Variants in ARID3A observed in about 807,000 individuals in gnomAD.
ARID3A encodes AT-rich interaction domain 3A, also known as AT-rich interactive domain-containing protein 3A.
Under a neutral mutation model 52.7 loss-of-function variants are expected in ARID3A, and 11 were observed. The observed-to-expected ratio is 0.21, with a 90% CI of 0.13 to 0.35. The LOEUF is 0.35. Among genes scored for constraint, ARID3A ranks in the 10% least tolerant of loss-of-function variants. The pLI is 1.00. For missense variants in ARID3A, 721 were observed against 838.5 expected (o/e 0.86, Z 1.73); for synonymous variants, 404 against 359.4 (o/e 1.12, Z -1.40).
rs1488658668 is a variant in ARID3A, at chr19:973,658, A to G, written c.*1593A>G. 4.4e-6 allele frequency: 1 copy of G among 226,256 alleles called. No homozygotes were observed. Among genetic ancestry groups the G allele is most frequent in the Admixed American group, 5.7e-5 (1 of 17,562 alleles). The allele number at this position is 226,256 out of a possible 1,614,324, so 14.0% of individuals were successfully genotyped here. A position where few individuals can be genotyped will look rare whatever the true frequency, so the allele number is the denominator to read the frequency against. The stretch of plus-strand genomic sequence containing the variant: ...CATCCTGAACACCCCCCACACCCCA[A>G]CATTCTCCTCGCTCTGTCCCTTCCT... On this transcript the variant is annotated 3_prime_UTR_variant, in exon 9 of 9. Coordinates refer to ENST00000263620, the MANE Select transcript of ARID3A (RefSeq NM_005224.3).
In ARID3A at chr19:946,813, T is replaced by TGA. The variant is rs1478059403; in HGVS notation, c.694-13278_694-13277dup. On this transcript the variant is annotated intron_variant, in intron 3 of 8. Transcript: ENST00000263620. Reference sequence around the variant, plus strand: ...TTGTTTGTTTGTGTGTGTGTGTGTGTGACAGGGTCTCCCTCTGTTGCCCAG... The same window carrying TGA: ...TTGTTTGTTTGTGTGTGTGTGTGTGTGAGACAGGGTCTCCCTCTGTTGCCCAG... Among the ~76,000 whole-genome samples the TGA allele has an allele frequency of 9.3e-5, 14 of 151,192 alleles. No homozygotes were observed. In the East Asian group the frequency reaches 9.8e-4, roughly 11 times the overall value.
intron 3 of ARID3A, among the ~76,000 whole-genome samples, chr19:951,413 C>T (rs2037800937): frequency 6.6e-6 from 1 of 151,932 alleles, no homozygotes; most frequent in South Asian, 2.1e-4. Context: ...AAAAATTAGC[C>T]AGGAGTGGTG....
intron 6 of ARID3A, among the ~76,000 whole-genome samples, chr19:966,224 C>A (rs2145459423): frequency 1.3e-5 from 2 of 150,642 alleles, no homozygotes; most frequent in East Asian, 3.9e-4. Flanking sequence ...CTTTGGGAGG[C>A]CGAGGCGGGC....
At chr19:961,525 A>C (rs2038040968) in intron 4 of ARID3A, among the ~76,000 whole-genome samples, 1 of 152,052 alleles carries the variant, frequency 6.6e-6, no homozygotes, top group Non-Finnish European at 1.5e-5. Flanking sequence ...CTCAGCCCTG[A>C]CCACTCTGCT....
chr19:955,733 C>G (rs998208037), intron 3 of ARID3A, among the ~76,000 whole-genome samples: 3 of 152,156 alleles, frequency 2.0e-5, no homozygotes, highest in East Asian at 3.8e-4. Flanking sequence ...CAGGGTAGAC[C>G]CCGTAATACC....
rs1489806856 is a variant in ARID3A at position 938,732 on chromosome 19, C to G, written c.693+5990C>G. On this transcript the variant is annotated intron_variant, in intron 3 of 8. Coordinates refer to ENST00000263620, the MANE Select transcript of ARID3A (RefSeq NM_005224.3). The surrounding 1 kb of genome is among the most constrained non-coding windows in gnomAD (Gnocchi z 4.0). ...ACGGCCACCAGCAGCCTCTCAGGCT[C>G]AAGGCCAGACACACCTCGCTGGGCC... 6.6e-6 allele frequency among the ~76,000 whole-genome samples: 1 copy of G among 152,164 alleles called. No homozygotes were observed. Among genetic ancestry groups the G allele is most frequent in the African/African-American group, 2.4e-5 (1 of 41,432 alleles).
rs2037377488 is a variant in ARID3A, at chr19:933,579, G to T, written c.693+837G>T. 2.0e-5 allele frequency among the ~76,000 whole-genome samples: 3 copies of T among 152,260 alleles called. No individual in the cohort carries two copies. In the South Asian group the frequency reaches 6.2e-4, roughly 32 times the overall value. On this transcript the variant is annotated intron_variant, in intron 3 of 8. Coordinates refer to ENST00000263620, the MANE Select transcript of ARID3A (RefSeq NM_005224.3). ...GGGAGGTGGATGATGGACACGCTGGGACATGCCTGCCTCGGGGCAGCCCCT... is the reference window on the plus strand; with the variant it reads ...GGGAGGTGGATGATGGACACGCTGGTACATGCCTGCCTCGGGGCAGCCCCT...
At chr19:955,738 A>T (rs2037903389) in intron 3 of ARID3A, among the ~76,000 whole-genome samples, 1 of 152,174 alleles carries the variant, frequency 6.6e-6, no homozygotes, top group Admixed American at 6.5e-5. Flanking sequence ...TAGACCCCGT[A>T]ATACCGGGTC....
chr19:946,784 C>CTGTT lies in ARID3A; in HGVS notation c.694-13296_694-13293dup, dbSNP rs535988783. On this transcript the variant is annotated intron_variant, in intron 3 of 8. Coordinates refer to ENST00000263620, the MANE Select transcript of ARID3A (RefSeq NM_005224.3). ...TCCCAAAGGCTTCAAAACTAAAATT[C>CTGTT]TGTTTGTTTGTTTGTGTGTGTGTGT... Among the ~76,000 whole-genome samples the CTGTT allele has an allele frequency of 3.0e-4, 45 of 150,990 alleles. 1 individual carries two copies. The South Asian group carries it at 7.3e-3, about 25-fold the overall frequency.
chr19:969,986 C>T (rs2038243556), intron 8 of ARID3A, among the ~76,000 whole-genome samples: 1 of 151,942 alleles, frequency 6.6e-6, no homozygotes, highest in Non-Finnish European at 1.5e-5. Flanking sequence ...AACCACCGCG[C>T]CCACCCTATA....
At position 938,919 on chromosome 19, in the gene ARID3A, A is replaced by G. The variant is rs1475363839; in HGVS notation, c.693+6177A>G. Among the ~76,000 whole-genome samples the G allele has an allele frequency of 7.5e-6, 1 of 133,436 alleles. No homozygotes were observed. The highest frequency in any genetic ancestry group is 7.5e-5 in the Admixed American group (1 of 13,318). The allele number at this position is 133,436 out of a possible 152,430, so 87.5% of individuals were successfully genotyped here. On this transcript the variant is annotated intron_variant, in intron 3 of 8. Transcript: ENST00000263620. The surrounding 1 kb of genome is among the most constrained non-coding windows in gnomAD (Gnocchi z 4.0). ...TGTGGAAAATACACATAGATACATT[A>G]TTTTATCTCTCTTTTTTTTTTTTTT...
intron 6 of ARID3A, among the ~76,000 whole-genome samples, 168 bp from the exon 7 acceptor site, chr19:966,404 G>A (rs2038154522): frequency 6.7e-6 from 1 of 148,478 alleles, no homozygotes; most frequent in Non-Finnish European, 1.5e-5. Flanking sequence ...GTTGCGGTGA[G>A]CTGAGATCGC....
chr19:961,582 A>G (rs2038042383), intron 4 of ARID3A, among the ~76,000 whole-genome samples: 1 of 152,164 alleles, frequency 6.6e-6, no homozygotes. Flanking sequence ...TTTTGCTGTT[A>G]CCCGTGCCTG....
At chr19:950,959 G>A (rs754857729) in intron 3 of ARID3A, among the ~76,000 whole-genome samples, 14 of 151,914 alleles carry the variant, frequency 9.2e-5, no homozygotes, top group Non-Finnish European at 1.6e-4. Context: ...AGTAGCTGGG[G>A]TTACGGGCAT....
intron 4 of ARID3A, among the ~76,000 whole-genome samples, chr19:962,923 C>T (rs1599422104): frequency 1.3e-5 from 2 of 152,330 alleles, no homozygotes; most frequent in Admixed American, 6.5e-5. Flanking sequence ...AGCTGAAACC[C>T]GGCGCGGCTC....
At chr19:958,787 G>GCAA in intron 3 of ARID3A, among the ~76,000 whole-genome samples, 1 of 151,646 alleles carries the variant, frequency 6.6e-6, no homozygotes, top group East Asian at 2.0e-4. Context: ...CAGCTACTCG[G>GCAA]GAGGCTGAGG....
At chr19:952,972 G>C (rs1245460629) in intron 3 of ARID3A, among the ~76,000 whole-genome samples, 1 of 152,170 alleles carries the variant, frequency 6.6e-6, no homozygotes. Context: ...ACTGCTGGGG[G>C]AGGGGCCGCA....
chr19:955,372 C>T (rs1599412717), intron 3 of ARID3A, among the ~76,000 whole-genome samples: 1 of 152,208 alleles, frequency 6.6e-6, no homozygotes, highest in African/African-American at 2.4e-5. Context: ...CCGCCTCCCC[C>T]GCCAGCAGCT....
chr19:956,576 C>G (rs2037922672), intron 3 of ARID3A: 1 of 152,322 alleles, frequency 6.6e-6, no homozygotes, highest in Non-Finnish European at 1.5e-5. Context: ...GCCCCACACC[C>G]CTCAGGCAGC....
Sources: gnomAD v4.1 joint callset for allele counts (sites outside exome capture counted in the v4.1 genomes callset) on GRCh38, gnomAD v4.1.1 for gene constraint, Gnocchi (gnomAD v3.1) non-coding constraint, MANE v1.5 for transcripts, NCBI Gene and HGNC (gene_info 2026-07-23, HGNC 2026-07-21) for gene names.